Variants in KCNK3 observed in about 807,000 individuals in gnomAD.
KCNK3 encodes potassium channel subfamily K member 3.
In KCNK3, 9 loss-of-function variants were observed where a neutral mutation model predicts 27.3. The ratio of observed to expected loss-of-function variants is 0.33; its 90% CI spans 0.20 to 0.57. KCNK3 has a LOEUF of 0.57. Ranked by LOEUF, KCNK3 falls within the 20% of genes least tolerant of loss-of-function variation. The pLI is 0.87. For missense variants in KCNK3, 391 were observed against 577.7 expected, an observed-to-expected ratio of 0.68 and a Z score of 3.31; for synonymous variants, 278 against 273.8, an observed-to-expected ratio of 1.02 and a Z score of -0.15.
In KCNK3 at chr2:26,707,335, G is replaced by A. The variant is rs562542024; in HGVS notation, c.283+14177G>A. ...AGGCTGATCCCAGCCACTGCCTTCC[G>A]ACAGGGAGTGGCCAGGAGCGAGGCT... is the stretch of plus-strand genomic sequence containing the variant. On this transcript the variant is annotated intron_variant, in intron 1 of 1. Coordinates refer to ENST00000302909, the MANE Select transcript of KCNK3 (RefSeq NM_002246.3). 7.2e-5 allele frequency among the ~76,000 whole-genome samples: 11 copies of A among 152,306 alleles called. No homozygotes were observed. The South Asian group carries it at 1.2e-3, about 17-fold the overall frequency.
chr2:26,694,320 T>C (rs1458141259), intron 1 of KCNK3, among the ~76,000 whole-genome samples: 2 of 152,202 alleles, frequency 1.3e-5, no homozygotes. Context: ...CCTCTGTCTT[T>C]ACTGTTCCCT....
intron 1 of KCNK3, among the ~76,000 whole-genome samples, chr2:26,719,238 A>T (rs545988364): frequency 1.3e-5 from 2 of 152,176 alleles, no homozygotes; most frequent in Non-Finnish European, 2.9e-5. Context: ...GGGTAGACAC[A>T]TTTCTAAGCT....
intron 1 of KCNK3, among the ~76,000 whole-genome samples, chr2:26,714,660 C>A (rs996963231): frequency 6.6e-6 from 1 of 151,094 alleles, no homozygotes; most frequent in Non-Finnish European, 1.5e-5. Flanking sequence ...CCAAGGTGGG[C>A]GGATCACTTG....
At chr2:26,719,227 T>C (rs1369265711) in intron 1 of KCNK3, among the ~76,000 whole-genome samples, 1 of 152,224 alleles carries the variant, frequency 6.6e-6, no homozygotes, top group Non-Finnish European at 1.5e-5. Flanking sequence ...GCAGGGCCAC[T>C]GGGTAGACAC....
chr2:26,693,801 C>A lies in KCNK3; in HGVS notation c.283+643C>A, dbSNP rs1439075524. 6.6e-6 allele frequency among the ~76,000 whole-genome samples: 1 copy of A among 152,208 alleles called. No individual in the cohort carries two copies. The highest frequency in any genetic ancestry group is 2.4e-5 in the African/African-American group (1 of 41,436). On this transcript the variant is annotated intron_variant, in intron 1 of 1. Transcript: ENST00000302909. This position sits in a 1 kb window ranked among gnomAD's most constrained non-coding sequence, Gnocchi z 5.5. ...TCAGCCTTCTTCTCTGCTGTCCCAG[C>A]AAAACAGTCACCTCACAGGAATAAC...
chr2:26,722,876 TG>T (rs1441686829), intron 1 of KCNK3, among the ~76,000 whole-genome samples: 2 of 152,178 alleles, frequency 1.3e-5, no homozygotes, highest in African/African-American at 4.8e-5. Flanking sequence ...TAAAAGGCAG[TG>T]GGAAAAGCTG....
intron 1 of KCNK3, among the ~76,000 whole-genome samples, chr2:26,718,845 C>T (rs1052311131): frequency 6.6e-6 from 1 of 152,042 alleles, no homozygotes; most frequent in African/African-American, 2.4e-5. Flanking sequence ...TGGGCTCAAG[C>T]GATCCTCCCA....
intron 1 of KCNK3, among the ~76,000 whole-genome samples, chr2:26,695,436 TC>T (rs529437211): frequency 1.3e-5 from 2 of 151,944 alleles, no homozygotes; most frequent in African/African-American, 4.8e-5. Flanking sequence ...CCAGCTCAAA[TC>T]CCCCCTCCTC....
rs1670194139 is a variant in KCNK3 at position 26,693,301 on chromosome 2, C to A, written c.283+143C>A. 1.2e-6 allele frequency: 1 copy of A among 832,246 alleles called. No individual in the cohort carries two copies. Among genetic ancestry groups the A allele is most frequent in the Non-Finnish European group, 1.7e-6 (1 of 577,936 alleles). 51.6% of individuals were successfully genotyped at this position (832,246 alleles called of 1,614,324 possible). A position where few individuals can be genotyped will look rare whatever the true frequency, so the allele number is the denominator to read the frequency against. ...CCCTGCGCTCGCAGAAACCCGAGTT[C>A]AGCCTGGCGTGTGTGCTCCGCGGGG... is the stretch of plus-strand genomic sequence containing the variant. On this transcript the variant is annotated intron_variant, in intron 1 of 1. Coordinates refer to ENST00000302909, the MANE Select transcript of KCNK3 (RefSeq NM_002246.3). The surrounding 1 kb of genome is among the most constrained non-coding windows in gnomAD (Gnocchi z 5.5).
intron 1 of KCNK3, among the ~76,000 whole-genome samples, chr2:26,694,014 G>A (rs912651270): frequency 2.6e-5 from 4 of 151,970 alleles, no homozygotes; most frequent in East Asian, 1.9e-4. Context: ...GAGAACAAAC[G>A]TTGCCCAGGA....
intron 1 of KCNK3, among the ~76,000 whole-genome samples, chr2:26,708,239 TGCAAAG>T (rs1670399182): frequency 6.6e-6 from 1 of 151,998 alleles, no homozygotes; most frequent in Non-Finnish European, 1.5e-5. Context: ...GAAGAGCAGA[TGCAAAG>T]GCCTCAAGCA....
chr2:26,705,375 C>A (rs370224928), intron 1 of KCNK3, among the ~76,000 whole-genome samples: 1 of 152,168 alleles, frequency 6.6e-6, no homozygotes, highest in African/African-American at 2.4e-5. Context: ...ATGTTAAGCA[C>A]TCGGTCATCG....
chr2:26,726,776 G>A (rs997252476), intron 1 of KCNK3, among the ~76,000 whole-genome samples: 1 of 151,504 alleles, frequency 6.6e-6, no homozygotes, highest in Non-Finnish European at 1.5e-5. Context: ...TTGGCTCAGG[G>A]TGGGCCAGGG....
intron 1 of KCNK3, among the ~76,000 whole-genome samples, chr2:26,710,789 G>T (rs905277987): frequency 6.6e-6 from 1 of 152,204 alleles, no homozygotes; most frequent in Non-Finnish European, 1.5e-5. Flanking sequence ...AGCTGGAAGA[G>T]ATGAATAGAG....
chr2:26,699,553 T>A (rs1232005591), intron 1 of KCNK3, among the ~76,000 whole-genome samples: 1 of 152,216 alleles, frequency 6.6e-6, no homozygotes, highest in African/African-American at 2.4e-5. Context: ...AAACGGTGAA[T>A]CTGTGAGTTG....
chr2:26,728,415 C>G lies in KCNK3; in HGVS notation c.1032C>G (p.His344Gln). The G allele has an allele frequency of 6.3e-7, 1 of 1,593,998 alleles. No individual in the cohort carries two copies. The highest frequency in any genetic ancestry group is 1.1e-5 in the South Asian group (1 of 90,088). The change falls in exon 2 of 2, where the codon CAC (histidine) becomes CAG (glutamine). Residue 344 changes from histidine (H) to glutamine (Q), a missense_variant. His to Gln is a conservative substitution (Grantham distance 24). This residue lies in a region of KCNK3 where 192 missense variants were observed against 196.0 expected (regional missense o/e 0.98). Transcript: ENST00000302909. Reference sequence around the variant, plus strand: ...CCGACACGTGCGTGGAGCAGAGCCACTCGTCGCCGGGAGGGGGCGGCCGCT... The same window carrying G: ...CCGACACGTGCGTGGAGCAGAGCCAGTCGTCGCCGGGAGGGGGCGGCCGCT... ...STSDTCVEQS[H>Q]SSPGGGGRYS...
chr2:26,727,525 G>A, intron 1 of KCNK3, 142 bp from the exon 2 acceptor site: 2 of 1,066,542 alleles, frequency 1.9e-6, no homozygotes, highest in Non-Finnish European at 2.7e-6. Context: ...AGCACAGTGC[G>A]TGGGGATAAG....
chr2:26,710,019 A>G (rs1275922), intron 1 of KCNK3, among the ~76,000 whole-genome samples: 111,624 of 152,178 alleles, frequency 0.73, 41,569 homozygotes, highest in African/African-American at 0.8. Flanking sequence ...TCCCTCCTCC[A>G]GGAAAGCTCT....
chr2:26,695,074 A>G (rs1670218309), intron 1 of KCNK3, among the ~76,000 whole-genome samples: 2 of 152,058 alleles, frequency 1.3e-5, no homozygotes, highest in East Asian at 3.9e-4. Context: ...AATTTTGAGG[A>G]TCTCCATACC....
Sources: gnomAD v4.1 joint callset for allele counts (sites outside exome capture counted in the v4.1 genomes callset) on GRCh38, gnomAD v4.1.1 for gene constraint, gnomAD v4.1.1 regional missense constraint, Gnocchi (gnomAD v3.1) non-coding constraint, MANE v1.5 for transcripts, NCBI Gene and HGNC (gene_info 2026-07-23, HGNC 2026-07-21) for gene names.